The following PLEKHA4 variants were observed in gnomAD, a reference collection of about 807,000 sequenced individuals.
The protein encoded by PLEKHA4 is pleckstrin homology domain containing A4.
PLEKHA4 carries 73 observed loss-of-function variants against 94.7 expected under a neutral mutation model. The ratio of observed to expected loss-of-function variants is 0.77; its 90% CI spans 0.64 to 0.94. PLEKHA4 has a LOEUF of 0.94. Among genes scored for constraint, PLEKHA4 ranks in the 40% least tolerant of loss-of-function variants. The pLI is 0.00. For synonymous variants in PLEKHA4, 449 were observed against 437.1 expected, an observed-to-expected ratio of 1.03 and a Z score of -0.34; for missense variants, 1,049 against 1,054.1, an observed-to-expected ratio of 1.00 and a Z score of 0.07.
At chr19:48,857,285 A>T in intron 9 of PLEKHA4, 137 bp downstream of exon 9, 1 of 546,944 alleles carries the variant, frequency 1.8e-6, no homozygotes, top group Non-Finnish European at 3.2e-6. Context: ...CAGCCACCAC[A>T]TGAATCTAAT....
chr19:48,848,190 G>T (rs1027120658), intron 13 of PLEKHA4, 150 bp from the exon 14 acceptor site: 71 of 962,646 alleles, frequency 7.4e-5, no homozygotes, highest in Non-Finnish European at 1.0e-4. Flanking sequence ...CAGTTGAATT[G>T]AAAAAAACTG....
intron 6 of PLEKHA4, chr19:48,859,948 A>G: frequency 1.7e-6 from 1 of 579,822 alleles, no homozygotes; most frequent in Non-Finnish European, 3.0e-6. Context: ...TTCCAGCCTG[A>G]TAATTGGCGC....
Position 48,855,703 on chromosome 19 carries a change from C to T in PLEKHA4, c.1048-1439G>A, listed in dbSNP as rs188340032. Among the ~76,000 whole-genome samples the T allele has an allele frequency of 4.3e-3, 657 of 152,042 alleles. 10 individuals are homozygous for T. Among genetic ancestry groups the T allele is most frequent in the Admixed American group, 0.018 (272 of 15,240 alleles). ...ACTAGGGAGGCTGAGGTGGGAGTAT[C>T]GCTTGGGCCCAGGAGACTGAGGCTG... On this transcript the variant is annotated intron_variant, in intron 9 of 19. Transcript: ENST00000263265.
intron 18 of PLEKHA4, 42 bp from the exon 19 acceptor site, chr19:48,838,171 G>C (rs1213174212): frequency 1.7e-6 from 2 of 1,161,888 alleles, no homozygotes; most frequent in Admixed American, 1.9e-5. Context: ...TGTGTACATG[G>C]GGGAGAGGTG....
chr19:48,842,985 C>G (rs929847225), intron 16 of PLEKHA4, among the ~76,000 whole-genome samples: 1 of 152,234 alleles, frequency 6.6e-6, no homozygotes, highest in Middle Eastern at 3.4e-3. Context: ...TGAAACCACC[C>G]GGTTGGGGTG....
chr19:48,843,167 ATTATTTTATT>A (rs57630089), intron 16 of PLEKHA4, among the ~76,000 whole-genome samples: 4 of 151,134 alleles, frequency 2.6e-5, no homozygotes, highest in Admixed American at 6.6e-5. Flanking sequence ...TTTTTTTTAA[ATTATTTTATT>A]TTATTTTATT....
At chr19:48,861,796 G>A in intron 3 of PLEKHA4, 104 bp from the exon 4 acceptor site, 1 of 1,041,084 alleles carries the variant, frequency 9.6e-7, no homozygotes, top group Non-Finnish European at 1.5e-6. Context: ...AAGAAACTTG[G>A]AGAGAGGAGA....
chr19:48,843,491 T>C (rs1019006543), intron 16 of PLEKHA4, among the ~76,000 whole-genome samples: 2 of 151,758 alleles, frequency 1.3e-5, no homozygotes, highest in East Asian at 1.9e-4. Flanking sequence ...TTTTCTTTTT[T>C]TTTTTTAAAG....
At position 48,859,130 on chromosome 19, in the gene PLEKHA4, G is replaced by C; in HGVS notation, c.702C>G (p.Thr234=). The stretch of plus-strand genomic sequence containing the variant: ...GAGGCGAGGGAGGGCGAGAGAGGGG[G>C]GTGAACAGGCTGTGGGAAGGAGAGA... ...MRRARSPDLF[T]PLSRPPSPLS... is the part of the protein sequence containing the mutation. Residue 234 remains threonine (T), a synonymous_variant, in exon 8 of 20, where the codon ACC becomes ACG. Coordinates refer to ENST00000263265, the MANE Select transcript of PLEKHA4 (RefSeq NM_020904.3). 1 of 1,519,088 alleles carries C rather than the reference G, an allele frequency of 6.6e-7. No individual in the cohort carries two copies. Among genetic ancestry groups the C allele is most frequent in the Admixed American group, 2.2e-5 (1 of 46,406 alleles). 94.1% of individuals were successfully genotyped at this position (1,519,088 alleles called of 1,614,324 possible).
intron 3 of PLEKHA4, among the ~76,000 whole-genome samples, chr19:48,863,347 G>T (rs373783372): frequency 6.6e-6 from 1 of 151,862 alleles, no homozygotes; most frequent in South Asian, 2.1e-4. Context: ...TCTGCCTCCC[G>T]GGTTCAAGCG....
chr19:48,857,570 A>G, intron 8 of PLEKHA4, 74 bp from the exon 9 acceptor site: 2 of 844,416 alleles, frequency 2.4e-6, no homozygotes, highest in Non-Finnish European at 3.9e-6. Flanking sequence ...TTCTGTACTA[A>G]GAAAAATTCT....
Position 48,859,002 on chromosome 19 carries a change from T to C in PLEKHA4, c.830A>G (p.Asp277Gly). 1 of 1,549,628 alleles carries C rather than the reference T, an allele frequency of 6.5e-7. No homozygotes were observed. Among genetic ancestry groups the C allele is most frequent in the Non-Finnish European group, 8.7e-7 (1 of 1,154,468 alleles). The change falls in exon 8 of 20, where the codon GAT becomes GGT. Residue 277 changes from aspartate (D) to glycine (G), a missense_variant. Asp to Gly is a moderately conservative substitution (Grantham distance 94). Transcript: ENST00000263265. ...ARPHTPLSRI[D>G]VRPPLDWGPQ... ...GCCCCAATCCAGAGGAGGTCGGACA[T>C]CAATGCGACTCAACGGGGTGTGAGG...
Position 48,837,228 on chromosome 19 carries a change from T to G in PLEKHA4, c.*61A>C. The G allele has an allele frequency of 6.2e-7, 1 of 1,612,146 alleles. No homozygotes were observed. Among genetic ancestry groups the G allele is most frequent in the Non-Finnish European group, 8.5e-7 (1 of 1,178,572 alleles). On this transcript the variant is annotated 3_prime_UTR_variant, in exon 20 of 20. Transcript: ENST00000263265. The surrounding 1 kb of genome is among the most constrained non-coding windows in gnomAD (Gnocchi z 4.3). ...CCCTGATGCCCTGAGTGGTCCCAGA[T>G]CTCCGGCGGTACCTCCAGACCACGT...
At position 48,858,868 on chromosome 19, in the gene PLEKHA4, TG is replaced by T; in HGVS notation, c.963del (p.Arg322GlufsTer47). ...CTCACCTCTCTGCTCACCTGTGTTC[TG>T]GGCTCCTGACTCCAGTGCTGGGGAC... Reference protein sequence around the residue: ...PRSPQHWSQEPRTQAHSGSPT... With the variant: ...PRSPQHWSQEXRTQAHSGSPT... On this transcript the variant is annotated frameshift_variant, in exon 8 of 20. Coordinates refer to ENST00000263265, the MANE Select transcript of PLEKHA4 (RefSeq NM_020904.3). LOFTEE classifies it high-confidence loss of function. The T allele has an allele frequency of 6.2e-7, 1 of 1,613,138 alleles. No individual in the cohort carries two copies. The highest frequency in any genetic ancestry group is 8.5e-7 in the Non-Finnish European group (1 of 1,179,694).
intron 3 of PLEKHA4, 84 bp downstream of exon 3, chr19:48,865,419 C>A: frequency 1.1e-6 from 1 of 914,432 alleles, no homozygotes; most frequent in South Asian, 1.5e-5. Context: ...AAAAGAAAGC[C>A]TATTTGGGGA....
Position 48,859,098 on chromosome 19 carries a change from A to C in PLEKHA4, c.734T>G (p.Leu245Arg). 7.3e-7 allele frequency: 1 copy of C among 1,360,654 alleles called. No individual in the cohort carries two copies. The highest frequency in any genetic ancestry group is 9.5e-7 in the Non-Finnish European group (1 of 1,051,726). The allele number at this position is 1,360,654 out of a possible 1,614,324, so 84.3% of individuals were successfully genotyped here. A position where few individuals can be genotyped will look rare whatever the true frequency, so the allele number is the denominator to read the frequency against. ...PLSRPPSPLSLPRPRSAPARR... is the reference protein window; with the variant it reads ...PLSRPPSPLSRPRPRSAPARR... Reference sequence around the variant, plus strand: ...CGCAGGGGCAGAACGGGGACGGGGGAGGCTCAGAGGCGAGGGAGGGCGAGA... The same window carrying C: ...CGCAGGGGCAGAACGGGGACGGGGGCGGCTCAGAGGCGAGGGAGGGCGAGA... Residue 245 changes from leucine (L) to arginine (R), a missense_variant, in exon 8 of 20, where the codon CTC becomes CGC. Leu to Arg is a moderately radical substitution (Grantham distance 102). Coordinates refer to ENST00000263265, the MANE Select transcript of PLEKHA4 (RefSeq NM_020904.3).
chr19:48,852,157 A>C, intron 13 of PLEKHA4, 71 bp downstream of exon 13: 1 of 1,227,600 alleles, frequency 8.1e-7, no homozygotes, highest in South Asian at 1.2e-5. Flanking sequence ...GCGAAGATTA[A>C]ATGCTAAAAG....
intron 13 of PLEKHA4, among the ~76,000 whole-genome samples, chr19:48,850,709 C>T (rs574810377): frequency 3.3e-5 from 5 of 150,216 alleles, no homozygotes; most frequent in Non-Finnish European, 7.4e-5. Context: ...CCCAGCTACT[C>T]GGGAGGCTGA....
Position 48,867,659 on chromosome 19 carries a change from G to T in PLEKHA4, c.-6-33C>A. 6.5e-7 allele frequency: 1 copy of T among 1,548,524 alleles called. No homozygotes were observed. The highest frequency in any genetic ancestry group is 8.8e-7 in the Non-Finnish European group (1 of 1,140,950). On this transcript the variant is annotated intron_variant, in intron 1 of 19. Coordinates refer to ENST00000263265, the MANE Select transcript of PLEKHA4 (RefSeq NM_020904.3). The surrounding 1 kb of genome is among the most constrained non-coding windows in gnomAD (Gnocchi z 4.7). ...AGAGAAAGAAAGGGGCTGTGTCTCT[G>T]CAGTGACGGGTGTGAGACAGAGATG...
Sources: gnomAD v4.1 joint callset for allele counts (sites outside exome capture counted in the v4.1 genomes callset) on GRCh38, gnomAD v4.1.1 for gene constraint, Gnocchi (gnomAD v3.1) non-coding constraint, MANE v1.5 for transcripts, NCBI Gene and HGNC (gene_info 2026-07-23, HGNC 2026-07-21) for gene names.